The following TBC1D16 variants were observed in gnomAD, a reference collection of about 807,000 sequenced individuals.
The protein encoded by TBC1D16 is CTD-2529O21.1.
Under a neutral mutation model 74.7 loss-of-function variants are expected in TBC1D16, and 58 were observed. That is an observed-to-expected ratio of 0.78 (90% CI 0.63 to 0.97). TBC1D16 has a LOEUF of 0.97. TBC1D16 is among the 50% of genes least tolerant of loss of function. TBC1D16 has a pLI of 0.00. For synonymous variants in TBC1D16, 493 were observed against 474.7 expected, an observed-to-expected ratio of 1.04 and a Z score of -0.50; for missense variants, 1,014 against 1,079.5, an observed-to-expected ratio of 0.94 and a Z score of 0.85.
chr17:79,943,220 T>C (rs1298067192), intron 10 of TBC1D16, among the ~76,000 whole-genome samples: 5 of 152,204 alleles, frequency 3.3e-5, no homozygotes, highest in African/African-American at 4.8e-5. Context: ...TGAACTAATC[T>C]GGGACGGTCT....
chr17:79,942,344 G>T, intron 10 of TBC1D16, 138 bp from the exon 11 acceptor site: 1 of 912,868 alleles, frequency 1.1e-6, no homozygotes, highest in Non-Finnish European at 1.6e-6. Context: ...CGGGGGCCGT[G>T]TGGCCCTGGG....
chr17:79,955,222 AGGTGAT>A (rs548761440), intron 3 of TBC1D16, among the ~76,000 whole-genome samples: 5 of 152,306 alleles, frequency 3.3e-5, no homozygotes, highest in African/African-American at 1.2e-4. Flanking sequence ...ACTAGAGCGA[AGGTGAT>A]GGAGACCTCA....
chr17:79,998,514 ATTTTTTT>A (rs376951265), intron 3 of TBC1D16, among the ~76,000 whole-genome samples: 1 of 131,848 alleles, frequency 7.6e-6, no homozygotes, highest in African/African-American at 2.8e-5. Context: ...TATTATTATA[ATTTTTTT>A]TTTTTTTTTT....
At chr17:79,982,594 T>C (rs1391117556) in intron 3 of TBC1D16, among the ~76,000 whole-genome samples, 1 of 151,750 alleles carries the variant, frequency 6.6e-6, no homozygotes, top group Non-Finnish European at 1.5e-5. Context: ...GGCTCAGGCC[T>C]GTAATCCCAG....
At chr17:79,943,838 T>C (rs1370662412) in intron 10 of TBC1D16, 2 of 1,365,212 alleles carry the variant, frequency 1.5e-6, no homozygotes, top group Non-Finnish European at 1.9e-6. Flanking sequence ...CGTAAAGGAA[T>C]GAGGGCGGCA....
rs2035701041 is a variant in TBC1D16 at position 80,007,035 on chromosome 17, C to G, written c.779+3125G>C. Among the ~76,000 whole-genome samples the G allele has an allele frequency of 6.6e-6, 1 of 152,206 alleles. No homozygotes were observed. Among genetic ancestry groups the G allele is most frequent in the Non-Finnish European group, 1.5e-5 (1 of 68,018 alleles). On this transcript the variant is annotated intron_variant, in intron 3 of 11. Transcript: ENST00000310924. This position sits in a 1 kb window ranked among gnomAD's most constrained non-coding sequence, Gnocchi z 4.5. ...TGGAGACAGGCTGTTTTCACTCCAG[C>G]CTTGCACTGAAGCACACGCTTCTGG...
intron 1 of TBC1D16, among the ~76,000 whole-genome samples, chr17:80,024,649 AG>A (rs2036477858): frequency 2.1e-5 from 3 of 144,782 alleles, no homozygotes; most frequent in Non-Finnish European, 3.0e-5. Context: ...CACACACCAT[AG>A]ACATACACAC....
At chr17:79,996,947 C>T (rs1044837208) in intron 3 of TBC1D16, among the ~76,000 whole-genome samples, 8 of 152,152 alleles carry the variant, frequency 5.3e-5, no homozygotes, top group Non-Finnish European at 1.2e-4. Flanking sequence ...TGCTGCTACT[C>T]AGCAGTAGAA....
rs1421767170 is a variant in TBC1D16, at chr17:80,023,516, C to A, written c.-62-9907G>T. On this transcript the variant is annotated intron_variant, in intron 1 of 11. Transcript: ENST00000310924. The stretch of plus-strand genomic sequence containing the variant: ...GGCCACTTCTTCCCCGAATCTCAAT[C>A]CTGCTTCGTGTGGCCACTGCTGAAA... Among the ~76,000 whole-genome samples, 5 of 150,220 alleles carry A rather than the reference C, an allele frequency of 3.3e-5. 1 individual carries two copies. The highest frequency in any genetic ancestry group is 1.3e-4 in the African/African-American group (5 of 39,568).
intron 1 of TBC1D16, among the ~76,000 whole-genome samples, chr17:80,033,249 C>T (rs1247050350): frequency 1.3e-5 from 2 of 152,194 alleles, no homozygotes; most frequent in East Asian, 3.8e-4. Context: ...CAATGCTTTT[C>T]ATAATCCTTG....
intron 3 of TBC1D16, among the ~76,000 whole-genome samples, chr17:79,991,576 T>C (rs1342153235): frequency 6.6e-6 from 1 of 151,916 alleles, no homozygotes; most frequent in African/African-American, 2.4e-5. Flanking sequence ...TGCAGGCACT[T>C]GCGAGTTAAT....
rs909207163 is a variant in TBC1D16 at position 79,938,206 on chromosome 17, A to T, written c.*2653T>A. 6.6e-6 allele frequency: 1 copy of T among 152,082 alleles called. No individual in the cohort carries two copies. The highest frequency in any genetic ancestry group is 1.5e-5 in the Non-Finnish European group (1 of 68,002). 9.4% of individuals were successfully genotyped at this position (152,082 alleles called of 1,614,324 possible). Reference sequence around the variant, plus strand: ...AGTTGTGGAGGGGCGGGGCTTCTCCATCCCCCGCGGAGCAGCGTCTCCTCC... The same window carrying T: ...AGTTGTGGAGGGGCGGGGCTTCTCCTTCCCCCGCGGAGCAGCGTCTCCTCC... On this transcript the variant is annotated 3_prime_UTR_variant, in exon 12 of 12. Transcript: ENST00000310924.
intron 1 of TBC1D16, among the ~76,000 whole-genome samples, chr17:80,024,191 A>G (rs1194593720): frequency 7.2e-6 from 1 of 139,388 alleles, no homozygotes; most frequent in Non-Finnish European, 1.6e-5. Context: ...ACCAGGCAGG[A>G]CTGCAGCGGG....
chr17:79,945,803 C>T (rs2143544026), intron 9 of TBC1D16, among the ~76,000 whole-genome samples: 1 of 152,360 alleles, frequency 6.6e-6, no homozygotes, highest in Middle Eastern at 3.4e-3. Flanking sequence ...CCCGTTGATG[C>T]AGAGTGAGCA....
intron 3 of TBC1D16, among the ~76,000 whole-genome samples, chr17:79,966,424 T>C (rs1329264390): frequency 2.0e-5 from 3 of 152,008 alleles, no homozygotes; most frequent in Admixed American, 2.0e-4. Context: ...ACATGACAGC[T>C]CACTTCCTTT....
intron 1 of TBC1D16, among the ~76,000 whole-genome samples, chr17:80,014,635 C>T (rs899676560): frequency 8.6e-5 from 13 of 151,890 alleles, no homozygotes; most frequent in African/African-American, 2.9e-4. Flanking sequence ...TCCTCCAATG[C>T]GGGAGCAACA....
At position 79,948,898 on chromosome 17, in the gene TBC1D16, T is replaced by C. The variant is rs138114512; in HGVS notation, c.1515A>G (p.Glu505=). The C allele has an allele frequency of 2.8e-4, 460 of 1,614,078 alleles. No homozygotes were observed. In the African/African-American group the frequency reaches 5.1e-3, roughly 18 times the overall value. The change falls in exon 8 of 12, where the codon GAA becomes GAG. Residue 505 remains glutamate (E), a synonymous_variant. Transcript: ENST00000310924. Reference sequence around the variant, plus strand: ...TCATGCTCTCCACATTGGGATTGTCTTCCCCCCGGAAGAACTGGTTGTTCC... The same window carrying C: ...TCATGCTCTCCACATTGGGATTGTCCTCCCCCCGGAAGAACTGGTTGTTCC... ...TDRNNQFFRG[E]DNPNVESMRR...
At chr17:79,942,002 G>A (rs2143406521) in intron 11 of TBC1D16, 58 bp downstream of exon 11, 1 of 1,475,812 alleles carries the variant, frequency 6.8e-7, no homozygotes. Flanking sequence ...AGAACGAGCT[G>A]GTGGGGTGGG....
At chr17:80,021,726 GAC>G (rs1346261129) in intron 1 of TBC1D16, among the ~76,000 whole-genome samples, 1 of 141,726 alleles carries the variant, frequency 7.1e-6, no homozygotes, top group Non-Finnish European at 1.5e-5. Flanking sequence ...ACACACCACA[GAC>G]ACACACACTG....
Sources: allele counts gnomAD v4.1 joint callset (sites outside exome capture counted in the v4.1 genomes callset), GRCh38; gene constraint gnomAD v4.1.1; non-coding constraint Gnocchi (gnomAD v3.1); transcripts MANE v1.5; gene names NCBI Gene and HGNC (gene_info 2026-07-23, HGNC 2026-07-21).